PPM1E: variants seen among roughly 807,000 people sequenced by gnomAD.
PPM1E encodes protein phosphatase, Mg2+/Mn2+ dependent 1E.
PPM1E carries 20 observed loss-of-function variants against 65.9 expected under a neutral mutation model. The ratio of observed to expected loss-of-function variants is 0.30; its 90% CI spans 0.21 to 0.44. PPM1E has a LOEUF of 0.44. PPM1E is among the 20% of genes least tolerant of loss of function. PPM1E has a pLI of 1.00. For synonymous variants in PPM1E, 352 were observed against 374.9 expected, an observed-to-expected ratio of 0.94 and a Z score of 0.70; for missense variants, 713 against 953.1, an observed-to-expected ratio of 0.75 and a Z score of 3.32.
At position 58,756,175 on chromosome 17, in the gene PPM1E, G is replaced by A. The variant is rs1343715634; in HGVS notation, c.178G>A (p.Glu60Lys). The change falls in exon 1 of 7, where the codon GAG becomes AAG. Residue 60 changes from glutamate to lysine, a missense_variant. This residue lies in a region of PPM1E where 212 missense variants were observed against 204.0 expected (regional missense o/e 1.04). Coordinates refer to ENST00000308249, the MANE Select transcript of PPM1E (RefSeq NM_014906.5). ...TGAACTGGTAGAAGCTGAGGCGGCC[G>A]AGGCTTCGGTAGAGGAACCCGGGGA... ...EPELVEAEAA[E>K]ASVEEPGEEA... is the part of the protein sequence containing the mutation. The A allele has an allele frequency of 1.3e-6, 2 of 1,574,546 alleles. No individual in the cohort carries two copies. Among genetic ancestry groups the A allele is most frequent in the East Asian group, 2.3e-5 (1 of 43,358 alleles).
intron 1 of PPM1E, among the ~76,000 whole-genome samples, chr17:58,846,034 C>T (rs570530202): frequency 9.2e-5 from 14 of 152,206 alleles, no homozygotes; most frequent in Non-Finnish European, 1.5e-4. Flanking sequence ...ATATGTACCA[C>T]ATTTTGCTTA....
intron 1 of PPM1E, among the ~76,000 whole-genome samples, chr17:58,920,004 A>C (rs2051732595): frequency 6.6e-6 from 1 of 152,146 alleles, no homozygotes; most frequent in South Asian, 2.1e-4. Context: ...ATCCAGGGGA[A>C]GCATAGTAAT....
chr17:58,822,406 A>C (rs2050490609), intron 1 of PPM1E, among the ~76,000 whole-genome samples: 1 of 151,596 alleles, frequency 6.6e-6, no homozygotes, highest in African/African-American at 2.4e-5. Context: ...TCTTTCTCCA[A>C]AACAAGAGGG....
chr17:58,761,595 C>T (rs1263214127), intron 1 of PPM1E, among the ~76,000 whole-genome samples: 2 of 152,104 alleles, frequency 1.3e-5, no homozygotes, highest in African/African-American at 4.8e-5. Flanking sequence ...GTATATTTTT[C>T]CCTCTGCTTG....
At chr17:58,793,523 T>G (rs2050176828) in intron 1 of PPM1E, among the ~76,000 whole-genome samples, 1 of 150,726 alleles carries the variant, frequency 6.6e-6, no homozygotes, top group Non-Finnish European at 1.5e-5. Flanking sequence ...GCCTGGCTAA[T>G]TTTTTTGTAT....
At chr17:58,895,164 C>T (rs2051397189) in intron 1 of PPM1E, among the ~76,000 whole-genome samples, 1 of 152,156 alleles carries the variant, frequency 6.6e-6, no homozygotes, top group South Asian at 2.1e-4. Flanking sequence ...AAACTGCACC[C>T]ATATAAGACA....
rs899462440 is a variant in PPM1E, at chr17:58,862,816, G to T, written c.465-92833G>T. On this transcript the variant is annotated intron_variant, in intron 1 of 6. Coordinates refer to ENST00000308249, the MANE Select transcript of PPM1E (RefSeq NM_014906.5). The stretch of plus-strand genomic sequence containing the variant: ...TCAGAAAGTTGACTGTAATTTGGTT[G>T]GAAGTATGGGTCGATCATTTGGTCC... 2.6e-4 allele frequency among the ~76,000 whole-genome samples: 40 copies of T among 152,280 alleles called. 1 individual carries two copies. The highest frequency in any genetic ancestry group is 2.6e-3 in the Admixed American group (40 of 15,302).
In PPM1E at chr17:58,969,645, T is replaced by C; in HGVS notation, c.890T>C (p.Met297Thr). The change falls in exon 4 of 7, where the codon ATG (methionine) becomes ACG (threonine). Residue 297 changes from methionine (M) to threonine (T), a missense_variant. Met to Thr is a moderately conservative substitution (Grantham distance 81). Coordinates refer to ENST00000308249, the MANE Select transcript of PPM1E (RefSeq NM_014906.5). ...CACGTTAACTTAGTCCGCCAGGAGA[T>C]GTTCCCCCATGATCCTGCTGAGGCC... ...HLHVNLVRQE[M>T]FPHDPAEALC... 1 of 1,614,186 alleles carries C rather than the reference T, an allele frequency of 6.2e-7. No homozygotes were observed. The highest frequency in any genetic ancestry group is 8.5e-7 in the Non-Finnish European group (1 of 1,180,034).
intron 1 of PPM1E, among the ~76,000 whole-genome samples, chr17:58,869,165 G>A (rs1044328606): frequency 5.9e-5 from 9 of 152,290 alleles, no homozygotes; most frequent in South Asian, 2.1e-4. Flanking sequence ...GTGGGACTCC[G>A]TCTCAACAAC....
At chr17:58,882,760 C>T (rs2051212080) in intron 1 of PPM1E, among the ~76,000 whole-genome samples, 1 of 151,854 alleles carries the variant, frequency 6.6e-6, no homozygotes, top group Admixed American at 6.6e-5. Flanking sequence ...CTACAATAAC[C>T]ACTTCATAAT....
chr17:58,759,757 A>G (rs2049805050), intron 1 of PPM1E, among the ~76,000 whole-genome samples: 1 of 152,224 alleles, frequency 6.6e-6, no homozygotes, highest in Admixed American at 6.5e-5. Flanking sequence ...TGCAGTAATA[A>G]TGAGGGTGGA....
intron 1 of PPM1E, among the ~76,000 whole-genome samples, chr17:58,852,131 G>C (rs1598610391): frequency 6.6e-6 from 1 of 152,188 alleles, no homozygotes; most frequent in African/African-American, 2.4e-5. Flanking sequence ...CATTGGAAAA[G>C]TGCAGTATTA....
At chr17:58,839,233 G>A (rs572060914) in intron 1 of PPM1E, among the ~76,000 whole-genome samples, 17 of 152,176 alleles carry the variant, frequency 1.1e-4, no homozygotes, top group Non-Finnish European at 2.1e-4. Flanking sequence ...TACTTGGGAG[G>A]CTGAGGTAAG....
intron 1 of PPM1E, among the ~76,000 whole-genome samples, chr17:58,946,843 T>A (rs1318037536): frequency 6.8e-6 from 1 of 146,706 alleles, no homozygotes; most frequent in Middle Eastern, 3.2e-3. Context: ...AATTTAATAT[T>A]TTTTTTCTTT....
At chr17:58,778,109 T>A (rs1035934653) in intron 1 of PPM1E, among the ~76,000 whole-genome samples, 1 of 151,998 alleles carries the variant, frequency 6.6e-6, no homozygotes, top group African/African-American at 2.4e-5. Flanking sequence ...ATTTTTTTTT[T>A]ATTTTTCTGA....
intron 1 of PPM1E, among the ~76,000 whole-genome samples, chr17:58,895,316 C>T (rs933347842): frequency 2.6e-5 from 4 of 152,098 alleles, no homozygotes; most frequent in African/African-American, 9.7e-5. Context: ...CTACAATGGG[C>T]TAAACGTTCA....
At chr17:58,813,039 G>C (rs771664886) in intron 1 of PPM1E, among the ~76,000 whole-genome samples, 54 of 152,162 alleles carry the variant, frequency 3.5e-4, no homozygotes, top group Admixed American at 1.0e-3. Context: ...AATAATTTGT[G>C]ATGTGGCAGT....
At chr17:58,794,590 T>G (rs746074955) in intron 1 of PPM1E, among the ~76,000 whole-genome samples, 9 of 152,106 alleles carry the variant, frequency 5.9e-5, no homozygotes, top group Admixed American at 2.0e-4. Context: ...TAGGCCCCAG[T>G]GTCTGTTGTT....
intron 1 of PPM1E, among the ~76,000 whole-genome samples, chr17:58,810,183 A>G (rs570091289): frequency 2.6e-4 from 40 of 152,160 alleles, no homozygotes; most frequent in African/African-American, 9.2e-4. Flanking sequence ...TTTGTCAAGA[A>G]TAATTCATAT....
Sources: allele counts gnomAD v4.1 joint callset (sites outside exome capture counted in the v4.1 genomes callset), GRCh38; gene constraint gnomAD v4.1.1; regional missense constraint gnomAD v4.1.1; transcripts MANE v1.5; gene names NCBI Gene and HGNC (gene_info 2026-07-23, HGNC 2026-07-21).